ZNF385D: variants seen among roughly 807,000 people sequenced by gnomAD.
The protein encoded by ZNF385D is zinc finger protein 659.
In ZNF385D, 15 loss-of-function variants were observed where a neutral mutation model predicts 35.8. The observed-to-expected ratio is 0.42, with a 90% CI of 0.28 to 0.64. ZNF385D has a LOEUF of 0.64. ZNF385D is among the 30% of genes least tolerant of loss of function. The pLI, the probability that ZNF385D is intolerant of heterozygous loss-of-function variation, is 0.23. For synonymous variants in ZNF385D, 212 were observed against 186.8 expected (o/e 1.13, Z -1.10); for missense variants, 474 against 494.6 (o/e 0.96, Z 0.39).
At chr3:21,595,360 A>G (rs1212419909) in intron 2 of ZNF385D, among the ~76,000 whole-genome samples, 1 of 151,706 alleles carries the variant, frequency 6.6e-6, no homozygotes, top group African/African-American at 2.4e-5. Context: ...TTCTCATTAT[A>G]TATACTATTA....
chr3:21,486,406 A>G (rs1553599665), intron 4 of ZNF385D, among the ~76,000 whole-genome samples: 1 of 152,084 alleles, frequency 6.6e-6, no homozygotes, highest in Non-Finnish European at 1.5e-5. Context: ...ATGATACCTG[A>G]TAAAGGCTCA....
chr3:21,867,980 T>G (rs1201041146), intron 3 of ZNF385D, among the ~76,000 whole-genome samples: 1 of 152,302 alleles, frequency 6.6e-6, no homozygotes, highest in Middle Eastern at 3.4e-3. Context: ...AGTACAGCCT[T>G]AAACAAGAAA....
intron 2 of ZNF385D, among the ~76,000 whole-genome samples, chr3:22,173,693 G>A (rs931653464): frequency 6.6e-6 from 1 of 152,056 alleles, no homozygotes; most frequent in Non-Finnish European, 1.5e-5. Flanking sequence ...GTCCACCATC[G>A]GATGGCTCTT....
chr3:22,093,762 G>T lies in ZNF385D; in HGVS notation c.325+75055C>A, dbSNP rs568936112. ...ACATTTACAATCATATAATTATTAT[G>T]GTCTATAATTCCCACAGTTGTTTAG... On this transcript the variant is annotated intron_variant, in intron 3 of 5. Transcript: ENST00000494108. Among the ~76,000 whole-genome samples, 18 of 151,956 alleles carry T rather than the reference G, an allele frequency of 1.2e-4. 1 individual carries two copies. The East Asian group carries it at 3.3e-3, about 28-fold the overall frequency.
intron 2 of ZNF385D, among the ~76,000 whole-genome samples, chr3:22,336,362 C>A (rs1284720813): frequency 1.3e-5 from 2 of 152,064 alleles, no homozygotes; most frequent in Admixed American, 6.5e-5. Flanking sequence ...TTTGTTCAAA[C>A]TAAAAAGCTA....
At chr3:21,881,834 T>G (rs932293929) in intron 3 of ZNF385D, among the ~76,000 whole-genome samples, 8 of 151,982 alleles carry the variant, frequency 5.3e-5, no homozygotes, top group Non-Finnish European at 1.0e-4. Flanking sequence ...TTGGAAAAAG[T>G]TGATTCCAAC....
intron 3 of ZNF385D, among the ~76,000 whole-genome samples, chr3:21,997,977 C>G (rs1339341081): frequency 6.6e-6 from 1 of 150,462 alleles, no homozygotes; most frequent in East Asian, 2.0e-4. Flanking sequence ...TTTTGATAAC[C>G]CTGCAGATCA....
At chr3:21,630,350 C>A (rs2065246209) in intron 2 of ZNF385D, among the ~76,000 whole-genome samples, 1 of 151,978 alleles carries the variant, frequency 6.6e-6, no homozygotes, top group Non-Finnish European at 1.5e-5. Context: ...GGATTACAGG[C>A]ATGTGCCACC....
chr3:21,799,147 G>A (rs1285660338), intron 3 of ZNF385D, among the ~76,000 whole-genome samples: 1 of 152,092 alleles, frequency 6.6e-6, no homozygotes, highest in Non-Finnish European at 1.5e-5. Context: ...TCATTTTTGT[G>A]GCAGAAACAT....
At chr3:21,719,130 T>G (rs954632617) in intron 1 of ZNF385D, among the ~76,000 whole-genome samples, 9 of 152,202 alleles carry the variant, frequency 5.9e-5, no homozygotes, top group Admixed American at 3.9e-4. Context: ...AAGGTATATT[T>G]CAACCTTGAT....
intron 3 of ZNF385D, among the ~76,000 whole-genome samples, chr3:22,022,374 G>C (rs961226344): frequency 1.6e-4 from 25 of 151,970 alleles, no homozygotes; most frequent in South Asian, 2.1e-4. Context: ...ACATGATTTT[G>C]AATGCTGAAA....
chr3:21,680,273 A>C (rs568266453), intron 1 of ZNF385D, among the ~76,000 whole-genome samples: 6 of 152,268 alleles, frequency 3.9e-5, no homozygotes, highest in African/African-American at 1.4e-4. Context: ...AATTTCAATA[A>C]AAGTAAATGT....
intron 2 of ZNF385D, among the ~76,000 whole-genome samples, chr3:22,344,177 G>GGTGTATGTGTGT (rs1553652925): frequency 7.1e-6 from 1 of 140,756 alleles, no homozygotes; most frequent in Non-Finnish European, 1.5e-5. Context: ...GGTGGGGTGG[G>GGTGTATGTGTGT]GTGTGTGTGT....
At chr3:22,164,915 A>G (rs1011358131) in intron 3 of ZNF385D, among the ~76,000 whole-genome samples, 3 of 152,204 alleles carry the variant, frequency 2.0e-5, no homozygotes, top group African/African-American at 4.8e-5. Flanking sequence ...AAGCCAATAT[A>G]AAAAGGCTAC....
At chr3:22,074,512 A>T (rs1255707355) in intron 3 of ZNF385D, among the ~76,000 whole-genome samples, 1 of 151,986 alleles carries the variant, frequency 6.6e-6, no homozygotes, top group Non-Finnish European at 1.5e-5. Flanking sequence ...TCTGATTATC[A>T]TAAGAGAAAA....
Position 21,412,912 on chromosome 3 carries a change from G to A in ZNF385D, c.*8302C>T, listed in dbSNP as rs907388257. ...TGGGGGAAATTATTGGCATATGGGGGATTTTATCACATATCATGTAGGGTG... is the reference window on the plus strand; with the variant it reads ...TGGGGGAAATTATTGGCATATGGGGAATTTTATCACATATCATGTAGGGTG... On this transcript the variant is annotated 3_prime_UTR_variant, in exon 8 of 8. Transcript: ENST00000281523. 2 of 152,012 alleles carry A rather than the reference G, an allele frequency of 1.3e-5. No homozygotes were observed. Among genetic ancestry groups the A allele is most frequent in the Admixed American group, 1.3e-4 (2 of 15,252 alleles). 9.4% of individuals were successfully genotyped at this position (152,012 alleles called of 1,614,324 possible).
intron 5 of ZNF385D, among the ~76,000 whole-genome samples, chr3:21,435,051 A>C (rs1701482630): frequency 6.6e-6 from 1 of 152,056 alleles, no homozygotes; most frequent in Admixed American, 6.6e-5. Flanking sequence ...ACAGCTTCCC[A>C]TGACTTGGAT....
At chr3:22,113,631 C>T (rs961271831) in intron 3 of ZNF385D, among the ~76,000 whole-genome samples, 5 of 152,066 alleles carry the variant, frequency 3.3e-5, no homozygotes, top group African/African-American at 1.2e-4. Context: ...AACCGGGAAA[C>T]CACAGGACTG....
At chr3:22,227,236 A>G (rs960761769) in intron 2 of ZNF385D, among the ~76,000 whole-genome samples, 6 of 152,092 alleles carry the variant, frequency 3.9e-5, no homozygotes, top group East Asian at 1.9e-4. Flanking sequence ...CCTAACTCCC[A>G]TAACCGTTGT....
Sources: allele counts gnomAD v4.1 joint callset (sites outside exome capture counted in the v4.1 genomes callset), GRCh38; gene constraint gnomAD v4.1.1; transcripts MANE v1.5; gene names NCBI Gene and HGNC (gene_info 2026-07-23, HGNC 2026-07-21).